CEP63: variants seen among roughly 807,000 people sequenced by gnomAD.
The protein encoded by CEP63 is centrosomal protein of 63 kDa.
Under a neutral mutation model 89.1 loss-of-function variants are expected in CEP63, and 84 were observed. The observed-to-expected ratio is 0.94, with a 90% CI of 0.79 to 1.13. The LOEUF is 1.13. Among genes scored for constraint, CEP63 ranks in the 50% most tolerant of loss-of-function variants. CEP63 has a pLI of 0.00. For missense variants in CEP63, 838 were observed against 813.3 expected (o/e 1.03, Z -0.37); for synonymous variants, 267 against 272.5 (o/e 0.98, Z 0.20).
the CEP63 span, chr3:134,650,808 G>T: frequency 1.3e-6 from 2 of 1,560,330 alleles, no homozygotes; most frequent in African/African-American, 2.8e-5. Context: ...CGGGGACCCG[G>T]GTCGGGCGCG....
At chr3:134,589,211 A>G (rs1958549595), downstream of CEP63, among the ~76,000 whole-genome samples, 1 of 152,204 alleles carries the variant, frequency 6.6e-6, no homozygotes, top group Non-Finnish European at 1.5e-5. Flanking sequence ...TAAGACCAGC[A>G]TAACCTTGAA....
At chr3:134,599,084 C>G in the CEP63 span, among the ~76,000 whole-genome samples, 3 of 152,372 alleles carry the variant, frequency 2.0e-5, no homozygotes, top group Admixed American at 2.0e-4. Flanking sequence ...TTCAGATGTT[C>G]TGTAACTGAC....
the CEP63 span, chr3:134,604,558 G>T: frequency 8.3e-7 from 1 of 1,204,662 alleles, no homozygotes; most frequent in Non-Finnish European, 1.2e-6. Flanking sequence ...GTCTCCCTGG[G>T]AGAAAAACGT....
At chr3:134,547,556 C>T in intron 9 of CEP63, 84 bp downstream of exon 9, 1 of 1,008,876 alleles carries the variant, frequency 9.9e-7, no homozygotes, top group Non-Finnish European at 1.4e-6. Flanking sequence ...ATGTAATAGT[C>T]ATAGTAAAAA....
intron 5 of CEP63, chr3:134,535,357 A>G: frequency 6.6e-6 from 1 of 152,230 alleles, no homozygotes; most frequent in Non-Finnish European, 1.5e-5. Flanking sequence ...TTTGTAGGAG[A>G]GCTGGTCTCT....
intron 11 of CEP63, among the ~76,000 whole-genome samples, chr3:134,571,376 T>G (rs1165104553): frequency 1.3e-5 from 2 of 152,098 alleles, no homozygotes; most frequent in Non-Finnish European, 2.9e-5. Context: ...GAATAATGAC[T>G]AAGTGCATAA....
At chr3:134,701,465 TAC>T in the CEP63 span, among the ~76,000 whole-genome samples, 142 of 145,062 alleles carry the variant, frequency 9.8e-4, no homozygotes, top group African/African-American at 2.2e-3. Flanking sequence ...TATATATACA[TAC>T]ACACACACAC....
At position 134,561,696 on chromosome 3, in the gene CEP63, A is replaced by AT. The variant is rs1957364496; in HGVS notation, c.*165dup. The AT allele has an allele frequency of 2.8e-6, 4 of 1,449,802 alleles. No homozygotes were observed. The highest frequency in any genetic ancestry group is 3.6e-6 in the Non-Finnish European group (4 of 1,107,568). The allele number at this position is 1,449,802 out of a possible 1,614,324, so 89.8% of individuals were successfully genotyped here. ...TGAAAAACTGATACTTTTGATAGGC[A>AT]TTTTCTCTGCACTGGTTTGTTTAAA... On this transcript the variant is annotated 3_prime_UTR_variant, in exon 15 of 15. Transcript: ENST00000675561.
At chr3:134,656,731 GAC>G in the CEP63 span, among the ~76,000 whole-genome samples, 263 of 152,254 alleles carry the variant, frequency 1.7e-3, 3 homozygotes, top group East Asian at 7.7e-4. Context: ...AGGCAGGGGA[GAC>G]ACAGAGCCTC....
rs199930556 is a variant in CEP63 at position 134,557,376 on chromosome 3, G to GTTTTTTTT, written c.1468-745_1468-738dup. The stretch of plus-strand genomic sequence containing the variant: ...CTTGACCAGCTTACTTTCATAATTT[G>GTTTTTTTT]TTTTTTTTTTTTTTTTTTTTTTTTT... On this transcript the variant is annotated intron_variant, in intron 12 of 14. Transcript: ENST00000675561. Among the ~76,000 whole-genome samples the GTTTTTTTT allele has an allele frequency of 1.9e-3, 193 of 101,468 alleles. 15 individuals carry two copies. Among genetic ancestry groups the GTTTTTTTT allele is most frequent in the Non-Finnish European group, 3.0e-3 (161 of 54,334 alleles). 66.6% of individuals were successfully genotyped at this position (101,468 alleles called of 152,430 possible). A position where few individuals can be genotyped will look rare whatever the true frequency, so the allele number is the denominator to read the frequency against.
At chr3:134,694,657 C>T in the CEP63 span, among the ~76,000 whole-genome samples, 1 of 152,230 alleles carries the variant, frequency 6.6e-6, no homozygotes, top group Non-Finnish European at 1.5e-5. Context: ...TGCTTCACTG[C>T]ATTCTTTCTC....
intron 6 of CEP63, among the ~76,000 whole-genome samples, chr3:134,539,746 A>G (rs1951609692): frequency 6.6e-6 from 1 of 152,216 alleles, no homozygotes; most frequent in Admixed American, 6.5e-5. Flanking sequence ...ATCTAAAAGT[A>G]TAATTCGGAA....
At chr3:134,589,177 G>C (rs1473153163), downstream of CEP63, among the ~76,000 whole-genome samples, 1 of 152,036 alleles carries the variant, frequency 6.6e-6, no homozygotes. Context: ...TGACAAAAGG[G>C]GAAATAATTC....
At chr3:134,555,734 A>C (rs1956015250) in intron 12 of CEP63, among the ~76,000 whole-genome samples, 1 of 151,172 alleles carries the variant, frequency 6.6e-6, no homozygotes, top group Admixed American at 6.6e-5. Flanking sequence ...ATCCCCATCA[A>C]GCTACCAATG....
chr3:134,526,259 G>A (rs6439482), intron 3 of CEP63, among the ~76,000 whole-genome samples: 151,668 of 152,170 alleles, frequency 1, 75,587 homozygotes, highest in Middle Eastern at 1. Context: ...AAATTCTTGT[G>A]GCATGTTTTT....
chr3:134,749,984 C>A, the CEP63 span, among the ~76,000 whole-genome samples: 1 of 152,148 alleles, frequency 6.6e-6, no homozygotes, highest in Non-Finnish European at 1.5e-5. Context: ...GCTACAAGCC[C>A]CTGCAGTATG....
At chr3:134,750,140 C>G in the CEP63 span, among the ~76,000 whole-genome samples, 1 of 152,164 alleles carries the variant, frequency 6.6e-6, no homozygotes, top group Non-Finnish European at 1.5e-5. Flanking sequence ...CATTAATATC[C>G]CCTGACCAAC....
chr3:134,553,487 C>T (rs1240730179), intron 12 of CEP63: 1 of 151,648 alleles, frequency 6.6e-6, no homozygotes, highest in Non-Finnish European at 1.5e-5. Flanking sequence ...AAAAGATAAT[C>T]TAGTAGAAAA....
chr3:134,625,387 C>G, the CEP63 span, among the ~76,000 whole-genome samples: 1 of 152,254 alleles, frequency 6.6e-6, no homozygotes, highest in Non-Finnish European at 1.5e-5. Context: ...ATTGTAGACT[C>G]TGAGAAGTCA....
Sources: gnomAD v4.1 joint callset for allele counts (sites outside exome capture counted in the v4.1 genomes callset) on GRCh38, gnomAD v4.1.1 for gene constraint, MANE v1.5 for transcripts, NCBI Gene and HGNC (gene_info 2026-07-23, HGNC 2026-07-21) for gene names.